The following APP variants were observed in gnomAD, a reference collection of about 807,000 sequenced individuals.
APP encodes amyloid-beta precursor protein.
Under a neutral mutation model 101.4 loss-of-function variants are expected in APP, and 31 were observed. The observed-to-expected ratio is 0.31, with a 90% CI of 0.23 to 0.41. The LOEUF is 0.41. APP is among the 10% of genes least tolerant of loss of function. The probability of loss-of-function intolerance (pLI) is 1.00; values close to 1 mark genes in which losing one functional copy is unlikely to be tolerated. For synonymous variants in APP, 366 were observed against 364.4 expected, an observed-to-expected ratio of 1.00 and a Z score of -0.05; for missense variants, 839 against 1,003.7, an observed-to-expected ratio of 0.84 and a Z score of 2.22.
intron 11 of APP, among the ~76,000 whole-genome samples, chr21:25,960,823 A>G (rs973944808): frequency 6.6e-6 from 1 of 152,224 alleles, no homozygotes; most frequent in African/African-American, 2.4e-5. Flanking sequence ...ATATCTCCCA[A>G]TAAATGAATT....
intron 6 of APP, among the ~76,000 whole-genome samples, chr21:26,011,767 T>C (rs1184995988): frequency 6.8e-6 from 1 of 147,502 alleles, no homozygotes; most frequent in Non-Finnish European, 1.5e-5. Context: ...ATCATAAGAA[T>C]TGGCAAGCAA....
intron 2 of APP, among the ~76,000 whole-genome samples, chr21:26,102,147 G>A (rs2062074700): frequency 6.9e-6 from 1 of 145,880 alleles, no homozygotes; most frequent in Admixed American, 6.9e-5. Flanking sequence ...GGAGTGCAGC[G>A]GCGCGATCTC....
intron 6 of APP, among the ~76,000 whole-genome samples, chr21:26,019,250 CTA>C (rs2146767328): frequency 6.6e-6 from 1 of 152,342 alleles, no homozygotes; most frequent in South Asian, 2.1e-4. Context: ...TTGAAGGTCT[CTA>C]TATTTTGGTC....
chr21:26,077,963 G>A (rs2061529567), intron 3 of APP, among the ~76,000 whole-genome samples: 1 of 152,102 alleles, frequency 6.6e-6, no homozygotes, highest in South Asian at 2.1e-4. Flanking sequence ...TCTTTGTCAA[G>A]TACTAAAATC....
At chr21:26,137,047 G>A (rs200612576) in intron 1 of APP, among the ~76,000 whole-genome samples, 9 of 149,828 alleles carry the variant, frequency 6.0e-5, no homozygotes, top group African/African-American at 1.7e-4. Context: ...AGATCCTCCC[G>A]CCTCCACCTC....
intron 15 of APP, among the ~76,000 whole-genome samples, chr21:25,898,301 C>T (rs1244621378): frequency 1.3e-5 from 2 of 152,178 alleles, no homozygotes; most frequent in Non-Finnish European, 2.9e-5. Context: ...TAGCAACTAA[C>T]AGAATTTATA....
intron 8 of APP, among the ~76,000 whole-genome samples, chr21:25,990,968 A>G (rs1199602495): frequency 2.0e-5 from 3 of 152,184 alleles, no homozygotes; most frequent in Admixed American, 1.3e-4. Flanking sequence ...GTGTATATAT[A>G]CCACGGAATA....
rs546828682 is a variant in APP, at chr21:26,050,072, T to A, written c.662+928A>T. Reference sequence around the variant, plus strand: ...GCCTGGATCCTTCAGTTTATGACTGTGGTCCCAGTGTTCTAGCTGATATAG... The same window carrying A: ...GCCTGGATCCTTCAGTTTATGACTGAGGTCCCAGTGTTCTAGCTGATATAG... On this transcript the variant is annotated intron_variant, in intron 5 of 17. Coordinates refer to ENST00000346798, the MANE Select transcript of APP (RefSeq NM_000484.4). 4.6e-5 allele frequency among the ~76,000 whole-genome samples: 7 copies of A among 152,230 alleles called. No homozygotes were observed. In the East Asian group the frequency reaches 1.2e-3, roughly 25 times the overall value.
chr21:25,885,011 T>C (rs1210045864), intron 17 of APP, among the ~76,000 whole-genome samples: 2 of 152,270 alleles, frequency 1.3e-5, no homozygotes, highest in Non-Finnish European at 2.9e-5. Context: ...GCTTCTGTTT[T>C]GCTACTTGAT....
chr21:26,089,652 G>C (rs1601431052), intron 3 of APP: 3 of 265,078 alleles, frequency 1.1e-5, no homozygotes, highest in Non-Finnish European at 2.2e-5. Context: ...AAGAATTCCC[G>C]GATCCGCTAC....
intron 1 of APP, among the ~76,000 whole-genome samples, chr21:26,166,414 C>G (rs372991581): frequency 2.0e-5 from 3 of 152,232 alleles, no homozygotes; most frequent in East Asian, 3.9e-4. Context: ...CATCCCCACT[C>G]CATACATTTG....
chr21:25,959,023 G>C (rs957233024), intron 11 of APP, among the ~76,000 whole-genome samples: 2 of 86,168 alleles, frequency 2.3e-5, no homozygotes, highest in Non-Finnish European at 4.5e-5. Context: ...TTTGAAGAAT[G>C]GGTTAGTCTC....
intron 16 of APP, among the ~76,000 whole-genome samples, chr21:25,896,082 C>G (rs1035633759): frequency 1.3e-5 from 2 of 152,180 alleles, no homozygotes; most frequent in Non-Finnish European, 2.9e-5. Context: ...TTCTACCCCA[C>G]CAACTCTTCA....
chr21:25,930,943 C>G (rs374188762), intron 13 of APP, among the ~76,000 whole-genome samples: 7 of 152,316 alleles, frequency 4.6e-5, no homozygotes, highest in African/African-American at 1.7e-4. Context: ...TTCAGGAGAG[C>G]ATTCACGATG....
At chr21:25,892,142 G>A (rs1261332914) in intron 16 of APP, among the ~76,000 whole-genome samples, 2 of 74,022 alleles carry the variant, frequency 2.7e-5, no homozygotes, top group Non-Finnish European at 2.8e-5. Context: ...TCCCCAGTTC[G>A]AGGAAGTCTA....
At chr21:26,050,389 T>C (rs1330386910) in intron 5 of APP, among the ~76,000 whole-genome samples, 3 of 152,172 alleles carry the variant, frequency 2.0e-5, no homozygotes, top group African/African-American at 4.8e-5. Context: ...GATGTTTGCC[T>C]TCAGTTAAGA....
At position 25,977,125 on chromosome 21, in the gene APP, A is replaced by G. The variant is rs143002073; in HGVS notation, c.1225-1097T>C. On this transcript the variant is annotated intron_variant, in intron 9 of 17. Transcript: ENST00000346798. ...AGGTGAATGTGTTTTGTAGGAAATC[A>G]ATGCTTCCTGCTCTCAACTTTGATG... Among the ~76,000 whole-genome samples, 3 of 152,322 alleles carry G rather than the reference A, an allele frequency of 2.0e-5. No homozygotes were observed. The East Asian group carries it at 5.8e-4, about 29-fold the overall frequency.
intron 13 of APP, among the ~76,000 whole-genome samples, chr21:25,950,387 T>C (rs906160943): frequency 6.6e-6 from 1 of 151,380 alleles, no homozygotes. Flanking sequence ...TTTTCTTTTT[T>C]TTTTTTTTTG....
intron 3 of APP, among the ~76,000 whole-genome samples, chr21:26,067,806 A>G (rs1171613248): frequency 6.6e-6 from 1 of 152,204 alleles, no homozygotes; most frequent in Non-Finnish European, 1.5e-5. Flanking sequence ...AGATGAGCTG[A>G]AAAAGCAGAT....
Sources: gnomAD v4.1 joint callset for allele counts (sites outside exome capture counted in the v4.1 genomes callset) on GRCh38, gnomAD v4.1.1 for gene constraint, MANE v1.5 for transcripts, NCBI Gene and HGNC (gene_info 2026-07-23, HGNC 2026-07-21) for gene names.